The following MDH1 variants were observed in gnomAD, a reference collection of about 807,000 sequenced individuals.
MDH1 encodes malate dehydrogenase, cytoplasmic.
Under a neutral mutation model 38.7 loss-of-function variants are expected in MDH1, and 15 were observed. That is an observed-to-expected ratio of 0.39 (90% CI 0.26 to 0.60). MDH1 has a LOEUF of 0.60. MDH1 is among the 20% of genes least tolerant of loss of function. The pLI is 0.56. For missense variants in MDH1, 368 were observed against 405.2 expected (o/e 0.91, Z 0.79); for synonymous variants, 144 against 143.6 (o/e 1.00, Z -0.02).
intron 6 of MDH1, 125 bp downstream of exon 6, chr2:63,604,997 T>C: frequency 3.3e-6 from 3 of 915,842 alleles, no homozygotes; most frequent in Non-Finnish European, 3.3e-6. Context: ...ACTTTCGGGA[T>C]CATAGTAAGC....
intron 1 of MDH1, 30 bp downstream of exon 1, chr2:63,589,076 C>T (rs1276624934): frequency 1.9e-6 from 3 of 1,614,158 alleles, no homozygotes; most frequent in South Asian, 2.2e-5. Flanking sequence ...TCCTGCCCAC[C>T]TCTGGCCCTC....
intron 3 of MDH1, among the ~76,000 whole-genome samples, chr2:63,596,757 T>C (rs898732999): frequency 3.9e-5 from 6 of 152,238 alleles, no homozygotes; most frequent in South Asian, 4.1e-4. Context: ...CGATGACTTA[T>C]GTTCTTTAGT....
intron 6 of MDH1, 52 bp downstream of exon 6, chr2:63,604,924 A>G (rs527927883): frequency 1.6e-5 from 25 of 1,582,716 alleles, no homozygotes; most frequent in Middle Eastern, 3.4e-4. Flanking sequence ...AACTCTTGAG[A>G]GACTCTTAGG....
At chr2:63,593,667 C>T (rs567169859) in intron 1 of MDH1, 14 of 471,406 alleles carry the variant, frequency 3.0e-5, no homozygotes, top group Non-Finnish European at 5.3e-5. Flanking sequence ...ATTTACCCAG[C>T]ATTATCGGGG....
intron 1 of MDH1, chr2:63,593,446 C>A: frequency 2.5e-6 from 1 of 405,136 alleles, no homozygotes; most frequent in South Asian, 1.9e-5. Context: ...TGAGTGAGTA[C>A]CAAATTGCTG....
chr2:63,604,662 G>A (rs1210148398), intron 5 of MDH1, 34 bp from the exon 6 acceptor site: 2 of 1,546,796 alleles, frequency 1.3e-6, no homozygotes, highest in African/African-American at 2.7e-5. Flanking sequence ...AAAACCATTT[G>A]TCTCAGTAAT....
At chr2:63,599,086 T>TA in intron 4 of MDH1, 84 bp from the exon 5 acceptor site, 1 of 1,421,084 alleles carries the variant, frequency 7.0e-7, no homozygotes, top group African/African-American at 1.4e-5. Context: ...AGGCTACCTG[T>TA]TAGACATTTT....
chr2:63,594,305 G>A, intron 1 of MDH1, 183 bp from the exon 2 acceptor site: 1 of 707,168 alleles, frequency 1.4e-6, no homozygotes, highest in Non-Finnish European at 2.6e-6. Flanking sequence ...CCTACATGGT[G>A]AGAGTTAAAT....
rs200076644 is a variant in MDH1 at position 63,597,556 on chromosome 2, C to T, written c.357C>T (p.Tyr119=). The T allele has an allele frequency of 2.7e-4, 388 of 1,420,556 alleles. No homozygotes were observed. The highest frequency in any genetic ancestry group is 7.5e-4 in the Middle Eastern group (4 of 5,354). The allele number at this position is 1,420,556 out of a possible 1,614,324, so 88.0% of individuals were successfully genotyped here. Residue 119 remains tyrosine, a synonymous_variant, in exon 4 of 9, where the codon TAC becomes TAT. Coordinates refer to ENST00000233114, the MANE Select transcript of MDH1 (RefSeq NM_005917.4). ...FKSQGAALDK[Y]AKKSVKVIVV... ...CCCAGGGTGCAGCCTTAGATAAATA[C>T]GCCAAGAAGTCAGTTAAGGTGACCA...
At chr2:63,589,650 T>C (rs1709122221) in intron 1 of MDH1, among the ~76,000 whole-genome samples, 1 of 152,246 alleles carries the variant, frequency 6.6e-6, no homozygotes, top group African/African-American at 2.4e-5. Context: ...ACTAAATAAC[T>C]ACTGCAAATA....
At chr2:63,597,332 A>T in intron 3 of MDH1, 67 bp from the exon 4 acceptor site, 1 of 1,309,864 alleles carries the variant, frequency 7.6e-7, no homozygotes, top group Non-Finnish European at 9.8e-7. Context: ...GGTAGATTCA[A>T]TATGAAAAAG....
intron 5 of MDH1, among the ~76,000 whole-genome samples, chr2:63,602,798 C>T (rs1427085756): frequency 6.6e-6 from 1 of 152,162 alleles, no homozygotes; most frequent in African/African-American, 2.4e-5. Context: ...CCTTTTGAGA[C>T]TGGCTCTTTT....
chr2:63,593,085 T>G (rs4671518), intron 1 of MDH1: 29,598 of 151,664 alleles, frequency 0.2, 3,676 homozygotes, highest in Non-Finnish European at 0.25. Context: ...ACACTTTTTG[T>G]TTTTTTTGTT....
chr2:63,593,437 G>T, intron 1 of MDH1: 1 of 390,478 alleles, frequency 2.6e-6, no homozygotes, highest in Non-Finnish European at 5.2e-6. Context: ...TGACTTCTAT[G>T]AGTGAGTACC....
intron 1 of MDH1, chr2:63,590,027 A>T (rs990687031): frequency 1.3e-5 from 2 of 154,170 alleles, no homozygotes; most frequent in Non-Finnish European, 2.9e-5. Flanking sequence ...TTTCAAGGCA[A>T]GGGCATTACT....
Position 63,599,258 on chromosome 2 carries a change from T to C in MDH1, c.464T>C (p.Leu155Ser). The stretch of plus-strand genomic sequence containing the variant: ...ATCCCCAAGGAGAACTTCAGTTGCT[T>C]GACTCGTTTGGATCACAACCGAGCT... ...PSIPKENFSCLTRLDHNRAKA... is the reference protein window; with the variant it reads ...PSIPKENFSCSTRLDHNRAKA... The change falls in exon 5 of 9, where the codon TTG becomes TCG. Residue 155 changes from leucine to serine, a missense_variant. Coordinates refer to ENST00000233114, the MANE Select transcript of MDH1 (RefSeq NM_005917.4). The C allele has an allele frequency of 6.2e-7, 1 of 1,613,810 alleles. No individual in the cohort carries two copies. Among genetic ancestry groups the C allele is most frequent in the Non-Finnish European group, 8.5e-7 (1 of 1,179,780 alleles).
Position 63,604,881 on chromosome 2 carries a change from A to G in MDH1, c.675+9A>G, listed in dbSNP as rs1456512009. 6.2e-7 allele frequency: 1 copy of G among 1,613,722 alleles called. No individual in the cohort carries two copies. The highest frequency in any genetic ancestry group is 8.5e-7 in the Non-Finnish European group (1 of 1,179,756). ...AGGGAGAATTTGTCACGGTAAGAAAAATCTGTGAGCCTTCTTAACACTGAG... is the reference window on the plus strand; with the variant it reads ...AGGGAGAATTTGTCACGGTAAGAAAGATCTGTGAGCCTTCTTAACACTGAG... On this transcript the variant is annotated intron_variant, in intron 6 of 8. Transcript: ENST00000233114.
At chr2:63,600,392 C>T (rs1036522864) in intron 5 of MDH1, among the ~76,000 whole-genome samples, 3 of 152,136 alleles carry the variant, frequency 2.0e-5, no homozygotes, top group Admixed American at 6.5e-5. Context: ...TCATAAATTA[C>T]GGAGCCACCT....
intron 5 of MDH1, 127 bp downstream of exon 5, chr2:63,599,419 TA>T: frequency 1.1e-6 from 1 of 919,168 alleles, no homozygotes; most frequent in East Asian, 3.0e-5. Context: ...CTATTACTTT[TA>T]TTAAATTAAA....
Sources: allele counts gnomAD v4.1 joint callset (sites outside exome capture counted in the v4.1 genomes callset), GRCh38; gene constraint gnomAD v4.1.1; transcripts MANE v1.5; gene names NCBI Gene and HGNC (gene_info 2026-07-23, HGNC 2026-07-21).